The following SNX29 variants were observed in gnomAD, a reference collection of about 807,000 sequenced individuals.
The protein encoded by SNX29 is sorting nexin-29.
A neutral mutation model predicts 102.1 loss-of-function variants in SNX29; 78 were observed. The observed-to-expected ratio is 0.76, with a 90% CI of 0.64 to 0.92. The LOEUF (loss-of-function observed/expected upper bound fraction) is 0.92. SNX29 is among the 40% of genes least tolerant of loss of function. The probability of loss-of-function intolerance (pLI) is 0.00; values close to 1 mark genes in which losing one functional copy is unlikely to be tolerated. For missense variants in SNX29, 1,280 were observed against 1,061.7 expected (o/e 1.21, Z -2.86); for synonymous variants, 580 against 414.5 (o/e 1.40, Z -4.85).
chr16:12,514,469 G>A (rs1339479172), intron 19 of SNX29, among the ~76,000 whole-genome samples: 1 of 152,168 alleles, frequency 6.6e-6, no homozygotes, highest in Non-Finnish European at 1.5e-5. Context: ...CAGGAATCAG[G>A]CCTCTTGGGG....
At chr16:12,139,275 C>G (rs1010055376) in intron 13 of SNX29, among the ~76,000 whole-genome samples, 1 of 150,774 alleles carries the variant, frequency 6.6e-6, no homozygotes, top group African/African-American at 2.4e-5. Flanking sequence ...CCGATCAGGT[C>G]CCTCTGAGAT....
chr16:12,057,498 G>A (rs2050567851), intron 8 of SNX29, among the ~76,000 whole-genome samples: 1 of 152,086 alleles, frequency 6.6e-6, no homozygotes, highest in African/African-American at 2.4e-5. Context: ...TTGACAAACT[G>A]GCATGAACTT....
intron 1 of SNX29, chr16:11,983,670 A>C (rs1394058389): frequency 1.0e-6 from 1 of 985,254 alleles, no homozygotes; most frequent in East Asian, 1.1e-4. Flanking sequence ...ACTAGGTCCT[A>C]CTGATGTTGG....
At chr16:12,539,674 G>A (rs150518983) in intron 20 of SNX29, among the ~76,000 whole-genome samples, 131 of 152,318 alleles carry the variant, frequency 8.6e-4, no homozygotes, top group Non-Finnish European at 1.5e-3. Context: ...GGGCCCAGTT[G>A]CTCTGCACCC....
chr16:12,313,979 T>G (rs1480130052), intron 15 of SNX29, among the ~76,000 whole-genome samples: 2 of 152,220 alleles, frequency 1.3e-5, no homozygotes, highest in African/African-American at 4.8e-5. Flanking sequence ...ATTCTTTTGC[T>G]TATGTTTATT....
intron 19 of SNX29, among the ~76,000 whole-genome samples, chr16:12,479,543 A>G (rs2087809539): frequency 6.6e-6 from 1 of 152,212 alleles, no homozygotes; most frequent in Admixed American, 6.5e-5. Flanking sequence ...TTTTCTGTTG[A>G]GGAAAAGTAG....
chr16:12,435,930 A>G (rs1376196482), intron 18 of SNX29, among the ~76,000 whole-genome samples: 1 of 152,116 alleles, frequency 6.6e-6, no homozygotes, highest in East Asian at 1.9e-4. Context: ...ATCTGTGGGA[A>G]CAGCGACGCC....
intron 19 of SNX29, among the ~76,000 whole-genome samples, chr16:12,488,340 G>T (rs1377024294): frequency 6.6e-6 from 1 of 152,064 alleles, no homozygotes; most frequent in Admixed American, 6.5e-5. Flanking sequence ...CCACCAGGAA[G>T]TCTTCCCTGA....
chr16:12,530,911 C>A (rs957478643), intron 20 of SNX29, among the ~76,000 whole-genome samples: 7 of 152,152 alleles, frequency 4.6e-5, no homozygotes, highest in African/African-American at 1.4e-4. Flanking sequence ...ATAGTATCCA[C>A]CGTAATGGCT....
intron 20 of SNX29, among the ~76,000 whole-genome samples, chr16:12,541,832 C>T (rs530468679): frequency 6.6e-6 from 1 of 151,798 alleles, no homozygotes; most frequent in East Asian, 1.9e-4. Context: ...CTCTTCCCCT[C>T]TTCTCCCAGC....
intron 13 of SNX29, among the ~76,000 whole-genome samples, chr16:12,198,249 A>G (rs186262946): frequency 1.3e-5 from 2 of 152,278 alleles, no homozygotes; most frequent in African/African-American, 2.4e-5. Flanking sequence ...AACAAGGGAA[A>G]AAAGCCTTCA....
chr16:12,358,281 T>C (rs905238678), intron 16 of SNX29, among the ~76,000 whole-genome samples: 4 of 152,246 alleles, frequency 2.6e-5, no homozygotes, highest in Non-Finnish European at 4.4e-5. Flanking sequence ...CCGCTGTTCC[T>C]GGCCCATAAT....
At chr16:12,287,030 C>T (rs2079620355) in intron 15 of SNX29, among the ~76,000 whole-genome samples, 1 of 152,124 alleles carries the variant, frequency 6.6e-6, no homozygotes. Context: ...TTAGGGGGCC[C>T]CTGGCTCACT....
intron 18 of SNX29, among the ~76,000 whole-genome samples, chr16:12,468,420 C>T (rs1353427066): frequency 6.6e-6 from 1 of 151,972 alleles, no homozygotes; most frequent in Non-Finnish European, 1.5e-5. Context: ...AGTGATCTGC[C>T]TGCCTTAGCC....
intron 16 of SNX29, among the ~76,000 whole-genome samples, chr16:12,367,874 C>T (rs546663592): frequency 1.3e-5 from 2 of 152,354 alleles, no homozygotes; most frequent in East Asian, 1.9e-4. Flanking sequence ...ATATATCTCA[C>T]ATAGAGGCTT....
intron 15 of SNX29, among the ~76,000 whole-genome samples, chr16:12,337,868 G>GTCTTCTT (rs2081499588): frequency 6.6e-6 from 1 of 152,150 alleles, no homozygotes; most frequent in Admixed American, 6.6e-5. Flanking sequence ...GGGTATAAAA[G>GTCTTCTT]CTCCGAAGAA....
intron 13 of SNX29, among the ~76,000 whole-genome samples, chr16:12,174,745 T>G (rs1187224379): frequency 6.6e-6 from 1 of 152,178 alleles, no homozygotes. Context: ...AATAAAAAGA[T>G]TAGGAGGTTA....
At chr16:12,476,393 T>TATATATATATATATAC (rs2087621050) in intron 18 of SNX29, among the ~76,000 whole-genome samples, 4 of 16,072 alleles carry the variant, frequency 2.5e-4, no homozygotes, top group East Asian at 4.8e-3. Flanking sequence ...AATATATATA[T>TATATATATATATATAC]ATATATATAT....
At chr16:12,007,833 C>T (rs2056508021) in intron 3 of SNX29, among the ~76,000 whole-genome samples, 1 of 152,256 alleles carries the variant, frequency 6.6e-6, no homozygotes, top group East Asian at 1.9e-4. Flanking sequence ...CTTGTCTTTG[C>T]TCTTGGGAGA....
Sources: gnomAD v4.1 joint callset for allele counts (sites outside exome capture counted in the v4.1 genomes callset) on GRCh38, gnomAD v4.1.1 for gene constraint, MANE v1.5 for transcripts, NCBI Gene and HGNC (gene_info 2026-07-23, HGNC 2026-07-21) for gene names.